Variants in IL1RAPL2 observed in about 807,000 individuals in gnomAD.
IL1RAPL2 encodes interleukin 1 receptor accessory protein like 2.
Under a neutral mutation model 44.1 loss-of-function variants are expected in IL1RAPL2, and 3 were observed. The ratio of observed to expected loss-of-function variants is 0.07; its 90% CI spans 0.03 to 0.18. IL1RAPL2 has a LOEUF of 0.18. Among genes scored for constraint, IL1RAPL2 ranks in the 10% least tolerant of loss-of-function variants. IL1RAPL2 has a pLI of 1.00. For missense variants in IL1RAPL2, 391 were observed against 496.4 expected (o/e 0.79, Z 2.02); for synonymous variants, 181 against 178.8 (o/e 1.01, Z -0.10).
At chrX:105,071,793 G>A (rs899398174) in intron 2 of IL1RAPL2, among the ~76,000 whole-genome samples, 4 of 111,730 alleles carry the variant, frequency 3.6e-5, no homozygotes, top group African/African-American at 1.3e-4. Flanking sequence ...TTCCATACGT[G>A]GTGTTAGGAA....
At chrX:105,683,725 A>G (rs2037945272) in intron 6 of IL1RAPL2, among the ~76,000 whole-genome samples, 2 of 112,261 alleles carry the variant, frequency 1.8e-5, no homozygotes, top group South Asian at 7.3e-4. Flanking sequence ...ACATAGTCTC[A>G]TTCACATATA....
chrX:105,374,068 A>G (rs1358670096), intron 5 of IL1RAPL2, among the ~76,000 whole-genome samples: 2 of 106,353 alleles, frequency 1.9e-5, no homozygotes, highest in African/African-American at 6.9e-5. Flanking sequence ...GCAGTTAACC[A>G]AGATCACACC....
rs1296420347 is a variant in IL1RAPL2, at chrX:105,230,452, AT to A, written c.357-3364del. On this transcript the variant is annotated intron_variant, in intron 3 of 10. Transcript: ENST00000372582. ...TAAGTATTATATATTAGATATGTATATTATACATATATGCATATTAGTTATA... is the reference window on the plus strand; with the variant it reads ...TAAGTATTATATATTAGATATGTATATATACATATATGCATATTAGTTATA... Among the ~76,000 whole-genome samples the A allele has an allele frequency of 2.8e-5, 3 of 108,004 alleles. No homozygotes were observed. In the East Asian group the frequency reaches 8.6e-4, roughly 31 times the overall value. 93.8% of individuals were successfully genotyped at this position (108,004 alleles called of 115,157 possible).
At chrX:105,450,699 A>G (rs1389392802) in intron 5 of IL1RAPL2, among the ~76,000 whole-genome samples, 3 of 111,708 alleles carry the variant, frequency 2.7e-5, no homozygotes, top group Non-Finnish European at 5.6e-5. Context: ...TTTGCAAGAA[A>G]ATCAACTTTG....
chrX:105,647,346 C>A (rs1414135575), intron 6 of IL1RAPL2, among the ~76,000 whole-genome samples: 3 of 111,855 alleles, frequency 2.7e-5, no homozygotes, highest in African/African-American at 9.8e-5. Context: ...AACAGAGCTC[C>A]CATACAACGG....
chrX:104,762,727 T>G (rs1259204074), intron 2 of IL1RAPL2, among the ~76,000 whole-genome samples: 1 of 112,347 alleles, frequency 8.9e-6, no homozygotes, highest in Non-Finnish European at 1.9e-5. Context: ...AAACCCTTCC[T>G]GATTTCTGGT....
At chrX:105,712,140 A>T (rs769174174) in intron 6 of IL1RAPL2, among the ~76,000 whole-genome samples, 8 of 112,153 alleles carry the variant, frequency 7.1e-5, no homozygotes, top group Non-Finnish European at 1.5e-4. Context: ...CCTAGTGGGA[A>T]CTGTCTGTGG....
chrX:105,251,344 A>T (rs16984666), intron 4 of IL1RAPL2, among the ~76,000 whole-genome samples: 16,274 of 109,588 alleles, frequency 0.15, 2,401 homozygotes, highest in African/African-American at 0.45. Flanking sequence ...GAATCCCTTT[A>T]GGAAGTGTAA....
At chrX:104,948,426 T>C (rs1925458612) in intron 2 of IL1RAPL2, among the ~76,000 whole-genome samples, 1 of 98,386 alleles carries the variant, frequency 1.0e-5, no homozygotes, top group African/African-American at 3.6e-5. Flanking sequence ...TCCTGCCTAA[T>C]TGCCCTGGCC....
chrX:104,597,546 T>C (rs1374797207), intron 1 of IL1RAPL2, among the ~76,000 whole-genome samples: 1 of 111,384 alleles, frequency 9.0e-6, no homozygotes, highest in Non-Finnish European at 1.9e-5. Context: ...ATGAGAGATG[T>C]TAATGACTGA....
At chrX:105,442,501 T>C (rs2035927720) in intron 5 of IL1RAPL2, among the ~76,000 whole-genome samples, 1 of 112,179 alleles carries the variant, frequency 8.9e-6, no homozygotes, top group Non-Finnish European at 1.9e-5. Flanking sequence ...TCACAAATGT[T>C]AGCTCCCTAT....
chrX:104,718,595 G>A (rs1032125345), intron 2 of IL1RAPL2, among the ~76,000 whole-genome samples: 2 of 111,011 alleles, frequency 1.8e-5, no homozygotes, highest in African/African-American at 6.5e-5. Context: ...GTAAGACGTG[G>A]CTTGTTTCCC....
intron 3 of IL1RAPL2, among the ~76,000 whole-genome samples, chrX:105,207,729 TATTCTGCAC>T (rs782400016): frequency 8.9e-6 from 1 of 112,032 alleles, no homozygotes; most frequent in African/African-American, 3.2e-5. Flanking sequence ...CCATTACTCC[TATTCTGCAC>T]AATAAAATCT....
At chrX:105,234,856 G>T (rs2034106679) in intron 4 of IL1RAPL2, among the ~76,000 whole-genome samples, 1 of 108,377 alleles carries the variant, frequency 9.2e-6, no homozygotes, top group African/African-American at 3.4e-5. Context: ...TATTTACAAA[G>T]GTTTGGGCAG....
intron 2 of IL1RAPL2, among the ~76,000 whole-genome samples, chrX:105,130,030 AC>A (rs1197191104): frequency 2.7e-5 from 3 of 111,250 alleles, no homozygotes; most frequent in African/African-American, 9.8e-5. Context: ...TTTTCTGTAT[AC>A]TAGACACATG....
intron 4 of IL1RAPL2, among the ~76,000 whole-genome samples, chrX:105,234,600 G>A (rs782628162): frequency 9.3e-4 from 103 of 110,886 alleles, no homozygotes; most frequent in African/African-American, 3.2e-3. Flanking sequence ...CCTGAGGTCA[G>A]GAGTTCGAGA....
At chrX:105,078,789 C>A in intron 2 of IL1RAPL2, among the ~76,000 whole-genome samples, 1 of 112,449 alleles carries the variant, frequency 8.9e-6, no homozygotes, top group African/African-American at 3.2e-5. Flanking sequence ...GACTGCTGTG[C>A]TAGCAATGAG....
chrX:104,955,136 C>A (rs1925679740), intron 2 of IL1RAPL2, among the ~76,000 whole-genome samples: 1 of 111,862 alleles, frequency 8.9e-6, no homozygotes, highest in African/African-American at 3.3e-5. Flanking sequence ...TAGAGAGGTG[C>A]TTTCTGTGCC....
At chrX:104,659,853 C>T (rs776823193) in intron 2 of IL1RAPL2, among the ~76,000 whole-genome samples, 1 of 111,720 alleles carries the variant, frequency 9.0e-6, no homozygotes, top group African/African-American at 3.2e-5. Flanking sequence ...GAAATGCATG[C>T]TTACTTTTCA....
Sources: allele counts gnomAD v4.1 joint callset (sites outside exome capture counted in the v4.1 genomes callset), GRCh38; gene constraint gnomAD v4.1.1; transcripts MANE v1.5; gene names NCBI Gene and HGNC (gene_info 2026-07-23, HGNC 2026-07-21).